The following CSMD1 variants were observed in gnomAD, a reference collection of about 807,000 sequenced individuals.
The protein encoded by CSMD1 is CUB and Sushi multiple domains 1.
Under a neutral mutation model 417.5 loss-of-function variants are expected in CSMD1, and 213 were observed. That is an observed-to-expected ratio of 0.51 (90% CI 0.46 to 0.57). CSMD1 has a LOEUF of 0.57. Ranked by LOEUF, CSMD1 falls within the 20% of genes least tolerant of loss-of-function variation. The probability of loss-of-function intolerance (pLI) is 0.00; values close to 1 mark genes in which losing one functional copy is unlikely to be tolerated. For missense variants in CSMD1, 6,923 were observed against 4,529.7 expected, an observed-to-expected ratio of 1.53 and a Z score of -15.17; for synonymous variants, 2,862 against 1,736.8, an observed-to-expected ratio of 1.65 and a Z score of -16.11.
At chr8:4,038,134 CTGAT>C (rs1398120508) in intron 3 of CSMD1, among the ~76,000 whole-genome samples, 6 of 152,084 alleles carry the variant, frequency 3.9e-5, no homozygotes, top group African/African-American at 1.4e-4. Flanking sequence ...TTTAAAGTCA[CTGAT>C]TGGTGACACA....
intron 50 of CSMD1, among the ~76,000 whole-genome samples, chr8:3,046,718 G>C (rs189083963): frequency 6.6e-6 from 1 of 152,152 alleles, no homozygotes; most frequent in South Asian, 2.1e-4. Context: ...AGCCTTCCCC[G>C]CAGCAGCTGA....
chr8:3,665,803 C>T (rs190688112), intron 7 of CSMD1, among the ~76,000 whole-genome samples: 42 of 152,270 alleles, frequency 2.8e-4, no homozygotes, highest in Admixed American at 8.5e-4. Context: ...TAGAGCACCC[C>T]TAGGAATCTC....
At position 3,205,553 on chromosome 8, in the gene CSMD1, G is replaced by A; in HGVS notation, c.4935C>T (p.Tyr1645=). The A allele has an allele frequency of 1.9e-6, 3 of 1,602,796 alleles. No individual in the cohort carries two copies. The highest frequency in any genetic ancestry group is 1.7e-5 in the Admixed American group (1 of 58,924). ...VVLSPNYPHN[Y]TAGQICLYSI... ...AATAGAGGCATATTTGACCAGCTGT[G>A]TAATTATGGGGGTAGTTTGGTGATA... Residue 1645 remains tyrosine, a synonymous_variant, in exon 31 of 70, where the codon TAC becomes TAT. Coordinates refer to ENST00000635120, the MANE Select transcript of CSMD1 (RefSeq NM_033225.6).
rs556561647 is a variant in CSMD1, at chr8:3,240,586, G to A, written c.4154-10355C>T. 1.7e-4 allele frequency among the ~76,000 whole-genome samples: 26 copies of A among 152,142 alleles called. No individual in the cohort carries two copies. In the South Asian group the frequency reaches 2.7e-3, roughly 16 times the overall value. On this transcript the variant is annotated intron_variant, in intron 26 of 69. Transcript: ENST00000635120. ...ATGGGGGCTGTCTGTGAAGCTTTGC[G>A]GCAGTACAGCCCGGGTAATCTGCTG... is the stretch of plus-strand genomic sequence containing the variant.
chr8:4,401,152 G>T (rs1231714367), intron 3 of CSMD1, among the ~76,000 whole-genome samples: 8 of 152,106 alleles, frequency 5.3e-5, no homozygotes, highest in African/African-American at 1.9e-4. Context: ...GGGAGTCGAG[G>T]ATTCATCAAA....
At chr8:3,242,283 G>C (rs952512984) in intron 26 of CSMD1, among the ~76,000 whole-genome samples, 4 of 150,778 alleles carry the variant, frequency 2.7e-5, no homozygotes, top group African/African-American at 7.3e-5. Context: ...GACCTAGCTC[G>C]GCCTGGGGAG....
chr8:4,754,682 T>C (rs1327200191), intron 1 of CSMD1, among the ~76,000 whole-genome samples: 5 of 152,056 alleles, frequency 3.3e-5, no homozygotes, highest in Non-Finnish European at 7.4e-5. Flanking sequence ...AAACCCTGTC[T>C]ACTAAAAATA....
At chr8:4,731,968 G>A (rs1248162090) in intron 1 of CSMD1, among the ~76,000 whole-genome samples, 2 of 152,144 alleles carry the variant, frequency 1.3e-5, no homozygotes, top group African/African-American at 4.8e-5. Context: ...GTATTAACAA[G>A]AATGCCAGCG....
At chr8:4,610,738 A>G (rs1186844819) in intron 2 of CSMD1, among the ~76,000 whole-genome samples, 1 of 152,200 alleles carries the variant, frequency 6.6e-6, no homozygotes, top group East Asian at 1.9e-4. Context: ...GTTCTTCATG[A>G]CTACACTGCC....
At chr8:4,419,803 C>A (rs955293788) in intron 3 of CSMD1, 150 bp downstream of exon 3, 8 of 503,610 alleles carry the variant, frequency 1.6e-5, no homozygotes, top group African/African-American at 1.3e-4. Flanking sequence ...ACAGTGTTAC[C>A]AAATGCCATT....
chr8:3,491,791 C>T (rs565433909), intron 11 of CSMD1, among the ~76,000 whole-genome samples: 4 of 152,332 alleles, frequency 2.6e-5, no homozygotes, highest in South Asian at 2.1e-4. Flanking sequence ...GGATGCTACC[C>T]GGGGCAAGAT....
intron 26 of CSMD1, among the ~76,000 whole-genome samples, chr8:3,269,178 C>G (rs1453716414): frequency 6.6e-6 from 1 of 152,222 alleles, no homozygotes; most frequent in African/African-American, 2.4e-5. Context: ...GTGTCATGGA[C>G]CAGGTGTCCA....
At chr8:3,183,309 A>G (rs1821539668) in intron 36 of CSMD1, among the ~76,000 whole-genome samples, 1 of 145,168 alleles carries the variant, frequency 6.9e-6, no homozygotes, top group African/African-American at 2.5e-5. Flanking sequence ...GTAGGTCTCT[A>G]ACGCCTAATC....
chr8:3,637,828 T>C (rs1341336635), intron 7 of CSMD1, among the ~76,000 whole-genome samples: 8 of 152,148 alleles, frequency 5.3e-5, no homozygotes, highest in Admixed American at 2.0e-4. Context: ...TGGGGGCCAG[T>C]ATTTCTTGTG....
intron 23 of CSMD1, among the ~76,000 whole-genome samples, chr8:3,337,366 G>C (rs1161948779): frequency 1.3e-5 from 2 of 152,162 alleles, no homozygotes; most frequent in Non-Finnish European, 2.9e-5. Flanking sequence ...TTAGAAGCAA[G>C]CCAGGGAAAG....
chr8:4,141,732 A>C (rs1803803974), intron 3 of CSMD1, among the ~76,000 whole-genome samples: 1 of 151,128 alleles, frequency 6.6e-6, no homozygotes, highest in Non-Finnish European at 1.5e-5. Flanking sequence ...TTGCAACTAA[A>C]AACGGATACA....
At chr8:3,461,542 T>C (rs948503344) in intron 12 of CSMD1, among the ~76,000 whole-genome samples, 3 of 152,064 alleles carry the variant, frequency 2.0e-5, no homozygotes, top group African/African-American at 7.2e-5. Flanking sequence ...AATTAGGCAA[T>C]GTGGTTGTAG....
intron 36 of CSMD1, among the ~76,000 whole-genome samples, 151 bp from the exon 37 acceptor site, chr8:3,181,365 T>A (rs1821312655): frequency 6.6e-6 from 1 of 152,250 alleles, no homozygotes; most frequent in Non-Finnish European, 1.5e-5. Context: ...TTATTATGTA[T>A]TCAGCCATTC....
Position 2,938,461 on chromosome 8 carries a change from G to C in CSMD1, c.*124C>G. 1 of 900,842 alleles carries C rather than the reference G, an allele frequency of 1.1e-6. No individual in the cohort carries two copies. 55.8% of individuals were successfully genotyped at this position (900,842 alleles called of 1,614,324 possible). A position where few individuals can be genotyped will look rare whatever the true frequency, so the allele number is the denominator to read the frequency against. On this transcript the variant is annotated 3_prime_UTR_variant, in exon 70 of 70. Transcript: ENST00000635120. ...GATCCCCGCTGCACTTATGCCAGTA[G>C]ACAAGGTTGAAGATCGCTGCAGTAA...
Sources: gnomAD v4.1 joint callset for allele counts (sites outside exome capture counted in the v4.1 genomes callset) on GRCh38, gnomAD v4.1.1 for gene constraint, MANE v1.5 for transcripts, NCBI Gene and HGNC (gene_info 2026-07-23, HGNC 2026-07-21) for gene names.